Variants in FBXL20 observed in about 807,000 individuals in gnomAD.
FBXL20 encodes F-box/LRR-repeat protein 20.
In FBXL20, 11 loss-of-function variants were observed where a neutral mutation model predicts 64.0. The ratio of observed to expected loss-of-function variants is 0.17; its 90% CI spans 0.11 to 0.28. The LOEUF (loss-of-function observed/expected upper bound fraction) is 0.28. Among genes scored for constraint, FBXL20 ranks in the 10% least tolerant of loss-of-function variants. The pLI is 1.00. For missense variants in FBXL20, 303 were observed against 526.2 expected, an observed-to-expected ratio of 0.58 and a Z score of 4.15; for synonymous variants, 184 against 189.0, an observed-to-expected ratio of 0.97 and a Z score of 0.22.
At chr17:39,334,149 G>C (rs1180612962) in intron 2 of FBXL20, among the ~76,000 whole-genome samples, 1 of 152,210 alleles carries the variant, frequency 6.6e-6, no homozygotes, top group African/African-American at 2.4e-5. Flanking sequence ...GCCTTGGGAT[G>C]TTGTTAATCT....
At chr17:39,282,637 C>G in intron 8 of FBXL20, 92 bp downstream of exon 8, 1 of 1,540,902 alleles carries the variant, frequency 6.5e-7, no homozygotes, top group Non-Finnish European at 8.9e-7. Context: ...ACTAACCTTT[C>G]CCTCCAGACA....
intron 2 of FBXL20, among the ~76,000 whole-genome samples, chr17:39,333,023 T>C (rs1167274074): frequency 6.6e-6 from 1 of 150,804 alleles, no homozygotes; most frequent in Non-Finnish European, 1.5e-5. Context: ...GGCTGGTCTC[T>C]AACTCCTGGC....
At chr17:39,402,301 C>CG, upstream of FBXL20, 2 of 921,806 alleles carry the variant, frequency 2.2e-6, no homozygotes, top group Non-Finnish European at 1.4e-6. Flanking sequence ...CCGCCGCCTC[C>CG]CCCGCCTCCC....
At chr17:39,317,097 C>G (rs1488007578) in intron 2 of FBXL20, among the ~76,000 whole-genome samples, 2 of 152,146 alleles carry the variant, frequency 1.3e-5, no homozygotes. Context: ...AATTTAATTT[C>G]CTGATTAAAT....
At position 39,397,715 on chromosome 17, in the gene FBXL20, C is replaced by T. The variant is rs139195211; in HGVS notation, c.42+3646G>A. Among the ~76,000 whole-genome samples, 381 of 151,826 alleles carry T rather than the reference C, an allele frequency of 2.5e-3. 2 individuals are homozygous for T. The highest frequency in any genetic ancestry group is 3.4e-3 in the Middle Eastern group (1 of 294). The stretch of plus-strand genomic sequence containing the variant: ...CTGTAATTCTAACACTTTGGGAGGC[C>T]GGCGAAAGGATTGCTCAAGCCCAGC... On this transcript the variant is annotated intron_variant, in intron 1 of 14. Coordinates refer to ENST00000264658, the MANE Select transcript of FBXL20 (RefSeq NM_032875.3).
intron 9 of FBXL20, among the ~76,000 whole-genome samples, chr17:39,280,160 T>C (rs1237224708): frequency 2.7e-5 from 4 of 146,128 alleles, no homozygotes; most frequent in Admixed American, 2.1e-4. Context: ...CGCTTGAACC[T>C]GGGAGGCGGA....
At chr17:39,343,975 T>C (rs1597809369) in intron 1 of FBXL20, among the ~76,000 whole-genome samples, 1 of 152,096 alleles carries the variant, frequency 6.6e-6, no homozygotes. Flanking sequence ...GCAATTCTCC[T>C]GCTTCAGCCT....
chr17:39,313,623 T>C (rs1354358962), intron 2 of FBXL20, among the ~76,000 whole-genome samples: 3 of 151,894 alleles, frequency 2.0e-5, no homozygotes. Flanking sequence ...TTTTCCCTCA[T>C]AACAAACATT....
At chr17:39,319,673 CAAAAA>C (rs71300077) in intron 2 of FBXL20, among the ~76,000 whole-genome samples, 1 of 47,302 alleles carries the variant, frequency 2.1e-5, no homozygotes, top group East Asian at 6.3e-4. Context: ...GACTCCATAT[CAAAAA>C]AAAAAAAAAA....
intron 1 of FBXL20, among the ~76,000 whole-genome samples, chr17:39,390,546 G>C (rs1379748279): frequency 2.0e-5 from 3 of 150,990 alleles, no homozygotes; most frequent in Admixed American, 6.6e-5. Flanking sequence ...GGGTGACAGA[G>C]CGCAAGACTC....
intron 1 of FBXL20, among the ~76,000 whole-genome samples, chr17:39,370,744 G>A (rs1180954195): frequency 2.0e-5 from 3 of 148,972 alleles, no homozygotes; most frequent in South Asian, 2.1e-4. Flanking sequence ...GCAGTGAGCC[G>A]AGATCGCGCC....
At chr17:39,351,750 G>A (rs1348090860) in intron 1 of FBXL20, among the ~76,000 whole-genome samples, 1 of 151,982 alleles carries the variant, frequency 6.6e-6, no homozygotes, top group Non-Finnish European at 1.5e-5. Context: ...GAAAAACATG[G>A]GAGCAACTAG....
rs561589372 is a variant in FBXL20, at chr17:39,385,226, AACACACACGCGCGTGCGTGCAC to A, written c.42+16113_42+16134del. ...AACATTGTGAGACACTGTCTCTAGAAACACACACGCGCGTGCGTGCACACACACACACACAAGCTATGATGGT... is the reference window on the plus strand; with the variant it reads ...AACATTGTGAGACACTGTCTCTAGAAACACACACACACAAGCTATGATGGT... On this transcript the variant is annotated intron_variant, in intron 1 of 14. Transcript: ENST00000264658. Among the ~76,000 whole-genome samples the A allele has an allele frequency of 1.8e-3, 274 of 152,078 alleles. 1 individual carries two copies. Among genetic ancestry groups the A allele is most frequent in the East Asian group, 9.7e-4 (5 of 5,170 alleles).
chr17:39,361,437 T>G (rs2144614565), intron 1 of FBXL20, among the ~76,000 whole-genome samples: 1 of 152,314 alleles, frequency 6.6e-6, no homozygotes, highest in South Asian at 2.1e-4. Context: ...GCCTAGAATT[T>G]GCTGGATTGG....
intron 1 of FBXL20, among the ~76,000 whole-genome samples, chr17:39,370,221 T>G (rs1283112917): frequency 6.7e-6 from 1 of 150,006 alleles, no homozygotes; most frequent in Non-Finnish European, 1.5e-5. Context: ...CCAAGCGCTA[T>G]GCCTCACGCC....
intron 1 of FBXL20, among the ~76,000 whole-genome samples, chr17:39,376,063 G>A (rs2047964036): frequency 1.3e-5 from 2 of 152,128 alleles, no homozygotes; most frequent in African/African-American, 4.8e-5. Context: ...AGGTTGCAAT[G>A]AGCCGTGATT....
In FBXL20 at chr17:39,260,206, T is replaced by A. The variant is rs951612554; in HGVS notation, c.*1254A>T. 1 of 152,184 alleles carries A rather than the reference T, an allele frequency of 6.6e-6. No individual in the cohort carries two copies. Among genetic ancestry groups the A allele is most frequent in the African/African-American group, 2.4e-5 (1 of 41,438 alleles). The allele number at this position is 152,184 out of a possible 1,614,324, so 9.4% of individuals were successfully genotyped here. On this transcript the variant is annotated 3_prime_UTR_variant, in exon 15 of 15. Transcript: ENST00000264658. Reference sequence around the variant, plus strand: ...AGAATACACAGCTCCTCTAGTGGCATTCCTGTTAAAACAACCTCATAGGTC... The same window carrying A: ...AGAATACACAGCTCCTCTAGTGGCAATCCTGTTAAAACAACCTCATAGGTC...
chr17:39,300,244 T>C (rs1017021796), intron 4 of FBXL20, among the ~76,000 whole-genome samples: 1 of 152,212 alleles, frequency 6.6e-6, no homozygotes, highest in African/African-American at 2.4e-5. Context: ...TGGTTGGTTT[T>C]GAACTCCTGA....
intron 1 of FBXL20, among the ~76,000 whole-genome samples, chr17:39,395,443 G>A (rs2048173884): frequency 6.6e-6 from 1 of 152,052 alleles, no homozygotes; most frequent in African/African-American, 2.4e-5. Context: ...TAAATAAAAG[G>A]TAAAAGGACC....
Sources: allele counts gnomAD v4.1 joint callset (sites outside exome capture counted in the v4.1 genomes callset), GRCh38; gene constraint gnomAD v4.1.1; transcripts MANE v1.5; gene names NCBI Gene and HGNC (gene_info 2026-07-23, HGNC 2026-07-21).